Variants in SNTG1 observed in about 807,000 individuals in gnomAD.
The protein encoded by SNTG1 is syntrophin gamma 1.
A neutral mutation model predicts 74.7 loss-of-function variants in SNTG1; 39 were observed. That is an observed-to-expected ratio of 0.52 (90% CI 0.40 to 0.68). The LOEUF (loss-of-function observed/expected upper bound fraction) is 0.68. Among genes scored for constraint, SNTG1 ranks in the 30% least tolerant of loss-of-function variants. The pLI, the probability that SNTG1 is intolerant of heterozygous loss-of-function variation, is 0.00. For missense variants in SNTG1, 685 were observed against 609.5 expected, an observed-to-expected ratio of 1.12 and a Z score of -1.30; for synonymous variants, 254 against 217.1, an observed-to-expected ratio of 1.17 and a Z score of -1.49.
intron 2 of SNTG1, among the ~76,000 whole-genome samples, chr8:50,304,734 A>G (rs1270360555): frequency 1.3e-5 from 2 of 152,134 alleles, no homozygotes; most frequent in East Asian, 1.9e-4. Flanking sequence ...GCTTTTTCAT[A>G]CTATACTCTG....
At chr8:50,413,567 A>G (rs922282943) in intron 4 of SNTG1, among the ~76,000 whole-genome samples, 1 of 152,066 alleles carries the variant, frequency 6.6e-6, no homozygotes, top group Admixed American at 6.6e-5. Context: ...CTGAAGATGT[A>G]TTTTCTTTGC....
chr8:50,445,990 G>C (rs2093403087), intron 5 of SNTG1, among the ~76,000 whole-genome samples: 1 of 152,166 alleles, frequency 6.6e-6, no homozygotes, highest in Admixed American at 6.5e-5. Flanking sequence ...GGTTAGGAGG[G>C]AAGGAGGAGC....
intron 1 of SNTG1, among the ~76,000 whole-genome samples, chr8:50,137,576 C>T (rs914758037): frequency 2.0e-5 from 3 of 151,998 alleles, no homozygotes; most frequent in African/African-American, 7.2e-5. Context: ...TAAGTATTCC[C>T]GAGAATAAAT....
intron 2 of SNTG1, among the ~76,000 whole-genome samples, chr8:50,187,882 G>T (rs2083439658): frequency 1.3e-5 from 2 of 152,176 alleles, no homozygotes; most frequent in African/African-American, 4.8e-5. Context: ...CAACCAGGCA[G>T]CTGGCTGATC....
chr8:49,953,053 G>A (rs186423484), intron 1 of SNTG1, among the ~76,000 whole-genome samples: 58 of 152,230 alleles, frequency 3.8e-4, no homozygotes, highest in Non-Finnish European at 6.6e-4. Flanking sequence ...GTCTGAAATT[G>A]ACATATAAAT....
chr8:50,352,199 AG>A (rs1159935269), intron 2 of SNTG1, among the ~76,000 whole-genome samples: 2 of 152,168 alleles, frequency 1.3e-5, no homozygotes, highest in Non-Finnish European at 2.9e-5. Flanking sequence ...TTAACTGTTA[AG>A]GGTAAGTAAA....
At chr8:50,745,057 A>G (rs964507723) in intron 17 of SNTG1, among the ~76,000 whole-genome samples, 5 of 151,982 alleles carry the variant, frequency 3.3e-5, no homozygotes, top group African/African-American at 1.2e-4. Context: ...AAATTGGACA[A>G]CATTAAAGCG....
At chr8:50,150,255 CTT>C (rs1439574806) in intron 1 of SNTG1, among the ~76,000 whole-genome samples, 15 of 152,248 alleles carry the variant, frequency 9.9e-5, no homozygotes, top group Admixed American at 9.8e-4. Context: ...TATCCTGAGA[CTT>C]TGCTGAATTT....
chr8:50,783,407 G>A (rs183910039), intron 18 of SNTG1, among the ~76,000 whole-genome samples: 12,222 of 152,224 alleles, frequency 0.08, 542 homozygotes, highest in Middle Eastern at 0.099. Context: ...AATGGCAGGC[G>A]CCCCTCCCCC....
intron 2 of SNTG1, among the ~76,000 whole-genome samples, chr8:50,346,159 C>T (rs1358530000): frequency 2.0e-5 from 3 of 152,164 alleles, no homozygotes; most frequent in Non-Finnish European, 1.5e-5. Flanking sequence ...AAAGATGTTT[C>T]CTTATTTATA....
At chr8:50,248,460 A>AT (rs1285213839) in intron 2 of SNTG1, among the ~76,000 whole-genome samples, 1 of 152,050 alleles carries the variant, frequency 6.6e-6, no homozygotes, top group Non-Finnish European at 1.5e-5. Flanking sequence ...TGTCCCAAAG[A>AT]TTTTTTCTTT....
intron 1 of SNTG1, among the ~76,000 whole-genome samples, chr8:50,074,267 A>G (rs1165110846): frequency 3.3e-5 from 5 of 152,178 alleles, no homozygotes; most frequent in Non-Finnish European, 7.3e-5. Context: ...AGCACCTGCT[A>G]GCTTCAAATT....
chr8:50,461,787 C>T (rs1282374374), intron 8 of SNTG1, among the ~76,000 whole-genome samples: 2 of 151,980 alleles, frequency 1.3e-5, no homozygotes, highest in African/African-American at 4.8e-5. Context: ...ACTTTTCAGG[C>T]TGATCTTGCA....
intron 15 of SNTG1, among the ~76,000 whole-genome samples, chr8:50,664,767 C>T (rs1360140915): frequency 6.6e-6 from 1 of 152,122 alleles, no homozygotes; most frequent in Non-Finnish European, 1.5e-5. Context: ...GACGTAACTG[C>T]ATGACTTGAA....
chr8:49,973,823 A>G (rs1811945103), intron 1 of SNTG1, among the ~76,000 whole-genome samples: 1 of 152,220 alleles, frequency 6.6e-6, no homozygotes, highest in South Asian at 2.1e-4. Flanking sequence ...ATACCATTTG[A>G]TAACATATAG....
intron 2 of SNTG1, among the ~76,000 whole-genome samples, chr8:50,218,959 G>A (rs1021596721): frequency 3.3e-5 from 5 of 152,132 alleles, no homozygotes; most frequent in African/African-American, 9.7e-5. Flanking sequence ...TGGGCTTCAC[G>A]AGGAAAAGAA....
chr8:50,097,415 T>C (rs1421703637), intron 1 of SNTG1, among the ~76,000 whole-genome samples: 1 of 150,510 alleles, frequency 6.6e-6, no homozygotes, highest in African/African-American at 2.4e-5. Flanking sequence ...GTTTTTAGAG[T>C]AGTGTCAACC....
At chr8:50,682,285 T>C (rs976733970) in intron 15 of SNTG1, among the ~76,000 whole-genome samples, 1 of 152,066 alleles carries the variant, frequency 6.6e-6, no homozygotes, top group African/African-American at 2.4e-5. Flanking sequence ...CTAATTCTTA[T>C]TGGCTATTTT....
At chr8:50,408,825 T>C (rs2092912180) in intron 4 of SNTG1, among the ~76,000 whole-genome samples, 1 of 152,158 alleles carries the variant, frequency 6.6e-6, no homozygotes, top group Non-Finnish European at 1.5e-5. Context: ...AATTGAGAAT[T>C]CGTGGTAAGT....
Sources: gnomAD v4.1 joint callset for allele counts (sites outside exome capture counted in the v4.1 genomes callset) on GRCh38, gnomAD v4.1.1 for gene constraint, MANE v1.5 for transcripts, NCBI Gene and HGNC (gene_info 2026-07-23, HGNC 2026-07-21) for gene names.